MAP2K5: variants seen among roughly 807,000 people sequenced by gnomAD.
The protein encoded by MAP2K5 is mitogen-activated protein kinase kinase 5.
A neutral mutation model predicts 83.1 loss-of-function variants in MAP2K5; 49 were observed. The observed-to-expected ratio is 0.59, with a 90% CI of 0.47 to 0.75. The LOEUF is 0.75. Among genes scored for constraint, MAP2K5 ranks in the 30% least tolerant of loss-of-function variants. MAP2K5 has a pLI of 0.00. For missense variants in MAP2K5, 457 were observed against 557.5 expected (o/e 0.82, Z 1.82); for synonymous variants, 202 against 191.8 (o/e 1.05, Z -0.44).
At chr15:67,694,554 A>G (rs1003863608) in intron 15 of MAP2K5, among the ~76,000 whole-genome samples, 5 of 152,154 alleles carry the variant, frequency 3.3e-5, no homozygotes. Context: ...CAAAACCACA[A>G]TGAGATACCA....
chr15:67,545,262 T>A (rs2084368502), intron 1 of MAP2K5, among the ~76,000 whole-genome samples: 1 of 152,238 alleles, frequency 6.6e-6, no homozygotes. Flanking sequence ...CATGATTCTT[T>A]GTCTCCTCCA....
In MAP2K5 at chr15:67,790,973, G is replaced by C. The variant is rs2090506786; in HGVS notation, c.1243-15673G>C. On this transcript the variant is annotated intron_variant, in intron 21 of 21. Transcript: ENST00000178640. The surrounding 1 kb of genome is among the most constrained non-coding windows in gnomAD (Gnocchi z 4.6). Reference sequence around the variant, plus strand: ...GCTAGGGGGAATAAGCTGTGTTGTAGAGAATGAAATCCATAGGACTCCTGG... The same window carrying C: ...GCTAGGGGGAATAAGCTGTGTTGTACAGAATGAAATCCATAGGACTCCTGG... Among the ~76,000 whole-genome samples, 1 of 152,134 alleles carries C rather than the reference G, an allele frequency of 6.6e-6. No individual in the cohort carries two copies. The highest frequency in any genetic ancestry group is 2.4e-5 in the African/African-American group (1 of 41,414).
chr15:67,561,419 G>C lies in MAP2K5; in HGVS notation c.185-1864G>C, dbSNP rs533395210. 1.3e-5 allele frequency among the ~76,000 whole-genome samples: 2 copies of C among 152,144 alleles called. No individual in the cohort carries two copies. Among genetic ancestry groups the C allele is most frequent in the African/African-American group, 2.4e-5 (1 of 41,424 alleles). On this transcript the variant is annotated intron_variant, in intron 2 of 21. Coordinates refer to ENST00000178640, the MANE Select transcript of MAP2K5 (RefSeq NM_145160.3). This position sits in a 1 kb window ranked among gnomAD's most constrained non-coding sequence, Gnocchi z 4.2. ...GCTCTAGAGATTCTATATCTAAAGC[G>C]AATGAAAGAATCTTTATGTGTGTAA... is the stretch of plus-strand genomic sequence containing the variant.
At chr15:67,659,013 G>C (rs866248534) in intron 12 of MAP2K5, 21 of 279,024 alleles carry the variant, frequency 7.5e-5, no homozygotes, top group South Asian at 7.0e-4. Context: ...AATTTATTAA[G>C]AACAAAGTAG....
intron 7 of MAP2K5, among the ~76,000 whole-genome samples, chr15:67,596,291 C>A (rs190539113): frequency 6.6e-6 from 1 of 152,108 alleles, no homozygotes; most frequent in Non-Finnish European, 1.5e-5. Flanking sequence ...GTGTGGCGGC[C>A]CATGCCCAGC....
intron 16 of MAP2K5, among the ~76,000 whole-genome samples, chr15:67,727,190 ACT>A (rs1411852899): frequency 2.0e-5 from 3 of 152,236 alleles, no homozygotes; most frequent in African/African-American, 7.2e-5. Flanking sequence ...ACAGAGCAAG[ACT>A]CTGGCTCAAA....
intron 12 of MAP2K5, among the ~76,000 whole-genome samples, chr15:67,662,219 A>G (rs909767181): frequency 1.8e-4 from 28 of 152,282 alleles, no homozygotes; most frequent in Admixed American, 9.8e-4. Context: ...ATTAATTGAT[A>G]TAGATTTTGT....
chr15:67,558,682 C>T (rs1313074015), intron 2 of MAP2K5, among the ~76,000 whole-genome samples: 3 of 152,204 alleles, frequency 2.0e-5, no homozygotes, highest in Non-Finnish European at 4.4e-5. Flanking sequence ...TCTGTTCTAG[C>T]CACTCTGGCT....
At chr15:67,723,141 A>G (rs1197730009) in intron 16 of MAP2K5, among the ~76,000 whole-genome samples, 1 of 152,080 alleles carries the variant, frequency 6.6e-6, no homozygotes, top group Non-Finnish European at 1.5e-5. Context: ...ATCATTTATG[A>G]TTCTATGACA....
chr15:67,756,862 A>G (rs1403201565), intron 19 of MAP2K5, among the ~76,000 whole-genome samples: 1 of 152,010 alleles, frequency 6.6e-6, no homozygotes, highest in Non-Finnish European at 1.5e-5. Context: ...TGCTGTTGCA[A>G]ATGACAGGAT....
chr15:67,555,815 A>G lies in MAP2K5; in HGVS notation c.184+5733A>G, dbSNP rs914415834. Among the ~76,000 whole-genome samples the G allele has an allele frequency of 1.3e-5, 2 of 149,700 alleles. No homozygotes were observed. The highest frequency in any genetic ancestry group is 4.9e-5 in the African/African-American group (2 of 40,514). ...CTTTTTTTTTTTGAGACGCAGTCTC[A>G]CTCTGTCGCCCAGGCTGGAGTGCAG... On this transcript the variant is annotated intron_variant, in intron 2 of 21. Coordinates refer to ENST00000178640, the MANE Select transcript of MAP2K5 (RefSeq NM_145160.3). This position sits in a 1 kb window ranked among gnomAD's most constrained non-coding sequence, Gnocchi z 5.2.
At position 67,749,783 on chromosome 15, in the gene MAP2K5, T is replaced by A. The variant is rs1382474790; in HGVS notation, c.1134+1182T>A. On this transcript the variant is annotated intron_variant, in intron 19 of 21. Coordinates refer to ENST00000178640, the MANE Select transcript of MAP2K5 (RefSeq NM_145160.3). The surrounding 1 kb of genome is among the most constrained non-coding windows in gnomAD (Gnocchi z 4.6). Reference sequence around the variant, plus strand: ...TGGATCTAATAGCTCATCAATATCCTCTATTATCTTAGATTCCAAAAGCCT... The same window carrying A: ...TGGATCTAATAGCTCATCAATATCCACTATTATCTTAGATTCCAAAAGCCT... 1.3e-5 allele frequency among the ~76,000 whole-genome samples: 2 copies of A among 152,206 alleles called. No individual in the cohort carries two copies. Among genetic ancestry groups the A allele is most frequent in the Non-Finnish European group, 2.9e-5 (2 of 68,032 alleles).
chr15:67,584,507 G>A (rs543013938), intron 4 of MAP2K5, among the ~76,000 whole-genome samples: 136 of 152,236 alleles, frequency 8.9e-4, no homozygotes, highest in Non-Finnish European at 9.3e-4. Context: ...AAGGAAAGAA[G>A]ATTTTGAGTC....
At chr15:67,772,376 A>ATAATT (rs2090158504) in intron 20 of MAP2K5, among the ~76,000 whole-genome samples, 2 of 152,244 alleles carry the variant, frequency 1.3e-5, no homozygotes, top group African/African-American at 2.4e-5. Context: ...AGTCAATAAG[A>ATAATT]GAATATTGCT....
At chr15:67,726,132 G>A (rs2089089880) in intron 16 of MAP2K5, among the ~76,000 whole-genome samples, 1 of 152,134 alleles carries the variant, frequency 6.6e-6, no homozygotes, top group South Asian at 2.1e-4. Context: ...ACACATATCA[G>A]TGTATATTTT....
intron 4 of MAP2K5, 82 bp downstream of exon 4, chr15:67,580,905 G>A: frequency 1.1e-6 from 1 of 907,646 alleles, no homozygotes; most frequent in South Asian, 1.3e-5. Flanking sequence ...AGGTTTAAAT[G>A]CACATAACAT....
rs1316481237 is a variant in MAP2K5, at chr15:67,768,282, C to T, written c.1135-1320C>T. Among the ~76,000 whole-genome samples the T allele has an allele frequency of 1.3e-5, 2 of 152,206 alleles. No individual in the cohort carries two copies. Among genetic ancestry groups the T allele is most frequent in the African/African-American group, 4.8e-5 (2 of 41,452 alleles). On this transcript the variant is annotated intron_variant, in intron 19 of 21. Coordinates refer to ENST00000178640, the MANE Select transcript of MAP2K5 (RefSeq NM_145160.3). The surrounding 1 kb of genome is among the most constrained non-coding windows in gnomAD (Gnocchi z 4.0). Reference sequence around the variant, plus strand: ...TTTACTAATCACATAGGAGGCTGTGCAATTGTATCTATCTGCCACCATTGA... The same window carrying T: ...TTTACTAATCACATAGGAGGCTGTGTAATTGTATCTATCTGCCACCATTGA...
rs2090336844 is a variant in MAP2K5 at position 67,782,066 on chromosome 15, CCA to C, written c.1242+9315_1242+9316del. ...AGCTCTTTTTTAATCCTCTGAATCC[CCA>C]GTGGAGCAGCAGTCATTGTGGAAGA... On this transcript the variant is annotated intron_variant, in intron 21 of 21. Coordinates refer to ENST00000178640, the MANE Select transcript of MAP2K5 (RefSeq NM_145160.3). This position sits in a 1 kb window ranked among gnomAD's most constrained non-coding sequence, Gnocchi z 4.9. Among the ~76,000 whole-genome samples, 1 of 152,160 alleles carries C rather than the reference CCA, an allele frequency of 6.6e-6. No homozygotes were observed. Among genetic ancestry groups the C allele is most frequent in the Non-Finnish European group, 1.5e-5 (1 of 68,036 alleles).
At chr15:67,593,444 T>C (rs1225068093) in intron 7 of MAP2K5, among the ~76,000 whole-genome samples, 3 of 152,190 alleles carry the variant, frequency 2.0e-5, no homozygotes, top group Admixed American at 2.0e-4. Context: ...TTAGTTTGCC[T>C]AGTAGACTGG....
Sources: gnomAD v4.1 joint callset for allele counts (sites outside exome capture counted in the v4.1 genomes callset) on GRCh38, gnomAD v4.1.1 for gene constraint, Gnocchi (gnomAD v3.1) non-coding constraint, MANE v1.5 for transcripts, NCBI Gene and HGNC (gene_info 2026-07-23, HGNC 2026-07-21) for gene names.